CNTNAP2: variants seen among roughly 807,000 people sequenced by gnomAD.
The protein encoded by CNTNAP2 is contactin associated protein 2.
A neutral mutation model predicts 155.2 loss-of-function variants in CNTNAP2; 98 were observed. That is an observed-to-expected ratio of 0.63 (90% confidence interval 0.54 to 0.75). The LOEUF is 0.75. Ranked by LOEUF, CNTNAP2 falls within the 30% of genes least tolerant of loss-of-function variation. The pLI is 0.00. For synonymous variants in CNTNAP2, 651 were observed against 631.2 expected (o/e 1.03, Z -0.47); for missense variants, 1,727 against 1,688.1 (o/e 1.02, Z -0.40).
intron 16 of CNTNAP2, among the ~76,000 whole-genome samples, chr7:148,136,048 G>GGA (rs1457876824): frequency 1.3e-4 from 10 of 79,296 alleles, no homozygotes; most frequent in Non-Finnish European, 1.8e-4. Context: ...AGGGAGGGAG[G>GGA]GGAAGGGAAG....
chr7:147,284,767 T>C (rs1213329344), intron 8 of CNTNAP2, among the ~76,000 whole-genome samples: 2 of 151,884 alleles, frequency 1.3e-5, no homozygotes, highest in Admixed American at 6.6e-5. Flanking sequence ...AAAAGGGCAG[T>C]TGACACTCAA....
chr7:147,201,517 T>G (rs1802921451), intron 8 of CNTNAP2, among the ~76,000 whole-genome samples: 2 of 148,366 alleles, frequency 1.3e-5, no homozygotes, highest in Middle Eastern at 3.2e-3. Flanking sequence ...GCAGTTACAC[T>G]ACTTAAGCAA....
intron 18 of CNTNAP2, among the ~76,000 whole-genome samples, chr7:148,181,882 C>G (rs923669801): frequency 6.6e-6 from 1 of 150,792 alleles, no homozygotes; most frequent in African/African-American, 2.4e-5. Flanking sequence ...CTCAGCCTCC[C>G]GAGTAGCTGG....
intron 14 of CNTNAP2, among the ~76,000 whole-genome samples, chr7:147,952,259 A>G (rs77073275): frequency 0.29 from 6,151 of 21,038 alleles, 1,934 homozygotes; most frequent in East Asian, 0.59. Context: ...CCTGAACAAC[A>G]CGGAGAAACC....
chr7:148,366,856 C>G (rs1798791882), intron 21 of CNTNAP2, among the ~76,000 whole-genome samples: 1 of 152,074 alleles, frequency 6.6e-6, no homozygotes, highest in Admixed American at 6.5e-5. Flanking sequence ...GGCCCTTCTT[C>G]AAAAATGCAA....
At chr7:147,371,217 A>G (rs778247629) in intron 9 of CNTNAP2, among the ~76,000 whole-genome samples, 12 of 152,178 alleles carry the variant, frequency 7.9e-5, no homozygotes, top group South Asian at 2.1e-4. Context: ...ACGACCATAT[A>G]TATCATACGG....
At chr7:147,503,337 A>G (rs1798852408) in intron 11 of CNTNAP2, among the ~76,000 whole-genome samples, 1 of 152,148 alleles carries the variant, frequency 6.6e-6, no homozygotes, top group Admixed American at 6.5e-5. Context: ...GACACCAGCC[A>G]TTGGATTGAG....
chr7:146,791,388 C>A (rs543659344), intron 2 of CNTNAP2, among the ~76,000 whole-genome samples: 9 of 152,232 alleles, frequency 5.9e-5, no homozygotes, highest in African/African-American at 1.9e-4. Context: ...GTGAACAGTG[C>A]CGCAATAAAC....
At chr7:146,151,678 A>ATATATT (rs1798049939) in intron 1 of CNTNAP2, among the ~76,000 whole-genome samples, 1 of 24,476 alleles carries the variant, frequency 4.1e-5, no homozygotes, top group Admixed American at 5.8e-4. Context: ...ATATATATAT[A>ATATATT]TATGTATATA....
chr7:146,632,762 T>G (rs1255658124), intron 1 of CNTNAP2, among the ~76,000 whole-genome samples: 1 of 151,962 alleles, frequency 6.6e-6, no homozygotes, highest in African/African-American at 2.4e-5. Context: ...AACAATCATG[T>G]AGTCATAAGG....
chr7:148,052,452 A>G (rs1802911998), intron 15 of CNTNAP2, among the ~76,000 whole-genome samples: 1 of 151,740 alleles, frequency 6.6e-6, no homozygotes, highest in African/African-American at 2.4e-5. Flanking sequence ...AGAATATAAT[A>G]TTTTATTTTG....
intron 9 of CNTNAP2, among the ~76,000 whole-genome samples, chr7:147,353,596 G>T (rs1226827777): frequency 6.6e-6 from 1 of 152,088 alleles, no homozygotes; most frequent in Non-Finnish European, 1.5e-5. Context: ...GAACAGTGCT[G>T]CAGTAAACAT....
At chr7:146,771,069 T>G (rs1802285862) in intron 1 of CNTNAP2, among the ~76,000 whole-genome samples, 1 of 152,140 alleles carries the variant, frequency 6.6e-6, no homozygotes, top group South Asian at 2.1e-4. Flanking sequence ...GTCAAAACTT[T>G]CCTTGAGAAG....
At chr7:148,026,875 C>G (rs372936183) in intron 15 of CNTNAP2, among the ~76,000 whole-genome samples, 7 of 152,268 alleles carry the variant, frequency 4.6e-5, no homozygotes, top group African/African-American at 1.7e-4. Flanking sequence ...TGTCATCTAA[C>G]TATTTGAAAC....
intron 1 of CNTNAP2, among the ~76,000 whole-genome samples, chr7:146,518,705 G>C (rs1797575583): frequency 6.6e-6 from 1 of 151,764 alleles, no homozygotes; most frequent in African/African-American, 2.4e-5. Context: ...TAAAACCTTA[G>C]ATGCATGCAA....
At chr7:148,091,156 A>G (rs188574276) in intron 15 of CNTNAP2, among the ~76,000 whole-genome samples, 1 of 152,306 alleles carries the variant, frequency 6.6e-6, no homozygotes, top group East Asian at 1.9e-4. Context: ...ATTGTACATC[A>G]TAGTGACTAC....
At chr7:148,248,680 G>A (rs1796317435) in intron 20 of CNTNAP2, among the ~76,000 whole-genome samples, 1 of 152,014 alleles carries the variant, frequency 6.6e-6, no homozygotes, top group Non-Finnish European at 1.5e-5. Flanking sequence ...GATCATTTTG[G>A]GGATATTATG....
At chr7:147,014,821 T>C (rs1365282845) in intron 3 of CNTNAP2, among the ~76,000 whole-genome samples, 1 of 152,142 alleles carries the variant, frequency 6.6e-6, no homozygotes, top group Non-Finnish European at 1.5e-5. Flanking sequence ...AGTTAGTCAG[T>C]CCCTGGAGAT....
intron 3 of CNTNAP2, among the ~76,000 whole-genome samples, chr7:146,903,868 C>T (rs1796058739): frequency 6.6e-6 from 1 of 152,114 alleles, no homozygotes; most frequent in Admixed American, 6.5e-5. Context: ...AGATTGTTAA[C>T]ATTTTCACCC....
Sources: allele counts gnomAD v4.1 joint callset (sites outside exome capture counted in the v4.1 genomes callset), GRCh38; gene constraint gnomAD v4.1.1; transcripts MANE v1.5; gene names NCBI Gene and HGNC (gene_info 2026-07-23, HGNC 2026-07-21).